PCDHA5: variants seen among roughly 807,000 people sequenced by gnomAD.
PCDHA5 encodes the protein protocadherin alpha-5.
Under a neutral mutation model 61.6 loss-of-function variants are expected in PCDHA5, and 43 were observed. The observed-to-expected ratio is 0.70, with a 90% CI of 0.55 to 0.90. The LOEUF (loss-of-function observed/expected upper bound fraction) is 0.90, where lower values mean the gene tolerates loss of function less well. Among genes scored for constraint, PCDHA5 ranks in the 40% least tolerant of loss-of-function variants. PCDHA5 has a pLI of 0.00. For missense variants in PCDHA5, 1,298 were observed against 1,222.7 expected (o/e 1.06, Z -0.92); for synonymous variants, 627 against 543.9 (o/e 1.15, Z -2.13).
intron 1 of PCDHA5, among the ~76,000 whole-genome samples, chr5:140,969,689 G>C (rs2096353737): frequency 6.6e-6 from 1 of 152,136 alleles, no homozygotes; most frequent in Admixed American, 6.5e-5. Context: ...AGGAGAAATG[G>C]CCTCTGCTGT....
intron 1 of PCDHA5, chr5:140,828,708 C>T (rs2150158098): frequency 6.2e-7 from 1 of 1,614,220 alleles, no homozygotes. Flanking sequence ...GAGGAAGCTC[C>T]TGCACACAAC....
chr5:140,853,105 T>G, intron 1 of PCDHA5: 1 of 397,242 alleles, frequency 2.5e-6, no homozygotes, highest in African/African-American at 2.2e-5. Context: ...GGTCTCGATC[T>G]CCTGACCTCA....
Position 140,822,519 on chromosome 5 carries a change from C to G in PCDHA5, c.744C>G (p.Val248=). 6.2e-7 allele frequency: 1 copy of G among 1,613,852 alleles called. No homozygotes were observed. The highest frequency in any genetic ancestry group is 2.2e-5 in the East Asian group (1 of 44,862). ...APEFDKSIYN[V]RLLENAPSGT... is the part of the protein sequence containing the mutation. ...AATTTGATAAATCCATTTATAATGT[C>G]AGATTGTTGGAAAATGCACCAAGTG... The change falls in exon 1 of 4, where the codon GTC becomes GTG. Residue 248 remains valine, a synonymous_variant. Coordinates refer to ENST00000529859, the MANE Select transcript of PCDHA5 (RefSeq NM_018908.3).
chr5:140,932,593 A>T (rs1347990722), intron 1 of PCDHA5, among the ~76,000 whole-genome samples: 1 of 151,922 alleles, frequency 6.6e-6, no homozygotes, highest in South Asian at 2.1e-4. Context: ...GATGTTTTGT[A>T]TATCTATTTT....
chr5:140,981,685 C>T (rs369964011), intron 2 of PCDHA5, among the ~76,000 whole-genome samples: 1 of 152,048 alleles, frequency 6.6e-6, no homozygotes, highest in African/African-American at 2.4e-5. Flanking sequence ...TTCCTCCCTT[C>T]CATCATTCAT....
intron 1 of PCDHA5, among the ~76,000 whole-genome samples, chr5:140,921,037 T>C (rs2079983245): frequency 1.3e-5 from 2 of 151,986 alleles, no homozygotes; most frequent in Admixed American, 1.3e-4. Context: ...TGGGGTGCAG[T>C]GGGGCAATCA....
At chr5:140,827,939 G>GA in intron 1 of PCDHA5, 7 of 1,144,254 alleles carry the variant, frequency 6.1e-6, no homozygotes, top group Non-Finnish European at 8.7e-6. Flanking sequence ...GTTATAGCTA[G>GA]CCAACATTCA....
intron 1 of PCDHA5, chr5:140,828,741 G>A (rs201515728): frequency 8.7e-6 from 14 of 1,614,102 alleles, no homozygotes; most frequent in African/African-American, 1.3e-5. Context: ...GCCACAGATG[G>A]GGGCAAACCT....
intron 1 of PCDHA5, chr5:140,869,639 C>T: frequency 6.2e-7 from 1 of 1,613,534 alleles, no homozygotes; most frequent in Non-Finnish European, 8.5e-7. Context: ...GAGTATTTTT[C>T]TTTAGATTCA....
intron 1 of PCDHA5, among the ~76,000 whole-genome samples, chr5:140,855,693 A>G (rs2043577719): frequency 6.7e-6 from 1 of 149,800 alleles, no homozygotes; most frequent in African/African-American, 2.5e-5. Context: ...TTAAGAAAAC[A>G]TTGCACGTGG....
chr5:140,859,194 A>G (rs1412348145), intron 1 of PCDHA5: 1 of 149,838 alleles, frequency 6.7e-6, no homozygotes, highest in African/African-American at 2.4e-5. Context: ...ATTGCTTATG[A>G]TATTCAGGTA....
intron 1 of PCDHA5, among the ~76,000 whole-genome samples, chr5:140,845,552 T>C (rs2150379809): frequency 0.45 from 67,291 of 148,608 alleles, 18,811 homozygotes; most frequent in South Asian, 0.64. Context: ...ATGGTGATGC[T>C]TTTAGCTATT....
rs782180138 is a variant in PCDHA5, at chr5:140,856,292, A to G, written c.2352+32165A>G. 5 of 1,598,490 alleles carry G rather than the reference A, an allele frequency of 3.1e-6. 1 individual carries two copies. The stretch of plus-strand genomic sequence containing the variant: ...TCTGGAGGTAAATCTGCAGAATGGC[A>G]TTTTGTTTGTGAATTCTCGGATTGA... On this transcript the variant is annotated intron_variant, in intron 1 of 3. Transcript: ENST00000529859.
At chr5:140,855,460 A>T (rs2150336256) in intron 1 of PCDHA5, among the ~76,000 whole-genome samples, 1 of 150,080 alleles carries the variant, frequency 6.7e-6, no homozygotes, top group African/African-American at 2.4e-5. Context: ...TAAACACCTC[A>T]CAGATAGTTG....
Position 140,842,339 on chromosome 5 carries a change from A to G in PCDHA5, c.2352+18212A>G, listed in dbSNP as rs2150334391. 9 of 1,607,816 alleles carry G rather than the reference A, an allele frequency of 5.6e-6. No individual in the cohort carries two copies. The South Asian group carries it at 9.9e-5, about 18-fold the overall frequency. Reference sequence around the variant, plus strand: ...GGGTCATTGCACCGTTTTAGTGAGAATTTTGGATAAAAATGATAACGTCCC... The same window carrying G: ...GGGTCATTGCACCGTTTTAGTGAGAGTTTTGGATAAAAATGATAACGTCCC... On this transcript the variant is annotated intron_variant, in intron 1 of 3. Coordinates refer to ENST00000529859, the MANE Select transcript of PCDHA5 (RefSeq NM_018908.3).
chr5:140,853,126 G>T, intron 1 of PCDHA5: 1 of 560,330 alleles, frequency 1.8e-6, no homozygotes. Flanking sequence ...TGATCCTCCC[G>T]CCTCAGCCTC....
chr5:140,848,526 G>A (rs1781577604), intron 1 of PCDHA5: 2 of 1,594,266 alleles, frequency 1.3e-6, no homozygotes, highest in Admixed American at 1.7e-5. Flanking sequence ...AGATCCAGAG[G>A]GTCAGCCTCT....
rs564801749 is a variant in PCDHA5, at chr5:140,919,703, A to G, written c.2353-59246A>G. Among the ~76,000 whole-genome samples the G allele has an allele frequency of 6.4e-4, 98 of 152,318 alleles. No individual in the cohort carries two copies. In the South Asian group the frequency reaches 0.011, roughly 16 times the overall value. ...TCTGCTTCAGATTTATATTAACTTA[A>G]TTCTAGTGAGATATAAATATGTTAC... On this transcript the variant is annotated intron_variant, in intron 1 of 3. Transcript: ENST00000529859.
intron 1 of PCDHA5, among the ~76,000 whole-genome samples, chr5:140,965,161 G>A (rs151157194): frequency 1.5e-4 from 23 of 152,334 alleles, no homozygotes; most frequent in African/African-American, 5.5e-4. Flanking sequence ...GAGAAAGGAC[G>A]TTTTAGTGAG....
Sources: allele counts gnomAD v4.1 joint callset (sites outside exome capture counted in the v4.1 genomes callset), GRCh38; gene constraint gnomAD v4.1.1; transcripts MANE v1.5; gene names NCBI Gene and HGNC (gene_info 2026-07-23, HGNC 2026-07-21).